Variants in FERMT3 observed in about 807,000 individuals in gnomAD.
The protein encoded by FERMT3 is FERM domain containing kindlin 3.
FERMT3 carries 33 observed loss-of-function variants against 80.8 expected under a neutral mutation model. The ratio of observed to expected loss-of-function variants is 0.41; its 90% CI spans 0.31 to 0.55. FERMT3 has a LOEUF of 0.55. Ranked by LOEUF, FERMT3 falls within the 20% of genes least tolerant of loss-of-function variation. FERMT3 has a pLI of 0.31. For synonymous variants in FERMT3, 375 were observed against 372.2 expected (o/e 1.01, Z -0.09); for missense variants, 754 against 908.7 (o/e 0.83, Z 2.19).
rs1326775397 is a variant in FERMT3 at position 64,223,327 on chromosome 11, T to G, written c.1827T>G (p.Phe609Leu). Residue 609 changes from phenylalanine to leucine, a missense_variant, in exon 15 of 15, where the codon TTT (phenylalanine) becomes TTG (leucine). Coordinates refer to ENST00000345728, the MANE Select transcript of FERMT3 (RefSeq NM_031471.6). ...NWDIRQVAIE[F>L]DEHINVAFSC... The stretch of plus-strand genomic sequence containing the variant: ...CTGCCCTTCAGGTGGCCATCGAGTT[T>G]GATGAACACATCAATGTGGCCTTCA... 1.2e-6 allele frequency: 2 copies of G among 1,614,072 alleles called. No individual in the cohort carries two copies. The highest frequency in any genetic ancestry group is 8.5e-7 in the Non-Finnish European group (1 of 1,180,042).
At position 64,219,256 on chromosome 11, in the gene FERMT3, C is replaced by T; in HGVS notation, c.792C>T (p.Asp264=). ...YSFFDLDPKT[D]PVRLTQLYEQ... is the part of the protein sequence containing the mutation. ...CTCCTCTCCCCCCGCTCCAGACAGA[C>T]CCCGTGCGGCTGACACAGCTGTATG... The change falls in exon 7 of 15, where the codon GAC becomes GAT. Residue 264 remains aspartate (D), a synonymous_variant. Transcript: ENST00000345728. The surrounding 1 kb of genome is among the most constrained non-coding windows in gnomAD (Gnocchi z 4.0). The T allele has an allele frequency of 6.3e-7, 1 of 1,593,496 alleles. No homozygotes were observed. Among genetic ancestry groups the T allele is most frequent in the Non-Finnish European group, 8.5e-7 (1 of 1,170,750 alleles).
intron 12 of FERMT3, 88 bp downstream of exon 12, chr11:64,220,757 A>G: frequency 7.5e-7 from 1 of 1,339,250 alleles, no homozygotes; most frequent in Middle Eastern, 1.8e-4. Context: ...TCCTCAGGAA[A>G]GCTACGTACT....
Position 64,223,733 on chromosome 11 carries a change from G to C in FERMT3, c.*241G>C. 1.3e-6 allele frequency: 1 copy of C among 759,282 alleles called. No individual in the cohort carries two copies. The highest frequency in any genetic ancestry group is 1.8e-5 in the South Asian group (1 of 55,024). 47.0% of individuals were successfully genotyped at this position (759,282 alleles called of 1,614,324 possible). A position where few individuals can be genotyped will look rare whatever the true frequency, so the allele number is the denominator to read the frequency against. On this transcript the variant is annotated 3_prime_UTR_variant, in exon 15 of 15. Coordinates refer to ENST00000345728, the MANE Select transcript of FERMT3 (RefSeq NM_031471.6). Reference sequence around the variant, plus strand: ...TGTGGTGCCCCCTTTCCTTGTCTGAGTGGCTGAGGCTGATACCCCTGACCT... The same window carrying C: ...TGTGGTGCCCCCTTTCCTTGTCTGACTGGCTGAGGCTGATACCCCTGACCT...
rs1946406087 is a variant in FERMT3 at position 64,210,248 on chromosome 11, C to T, written c.161-363C>T. Among the ~76,000 whole-genome samples the T allele has an allele frequency of 1.3e-5, 2 of 152,170 alleles. No individual in the cohort carries two copies. The highest frequency in any genetic ancestry group is 6.5e-5 in the Admixed American group (1 of 15,270). ...CTGCCTCCAGGAGCTCCCCAGAATG[C>T]AAGACAGAGGCTGTTAAACCGTGGA... On this transcript the variant is annotated intron_variant, in intron 2 of 14. Coordinates refer to ENST00000345728, the MANE Select transcript of FERMT3 (RefSeq NM_031471.6). The surrounding 1 kb of genome is among the most constrained non-coding windows in gnomAD (Gnocchi z 4.3).
chr11:64,222,147 G>C (rs934375813), intron 13 of FERMT3, among the ~76,000 whole-genome samples: 11 of 151,776 alleles, frequency 7.2e-5, no homozygotes, highest in African/African-American at 2.7e-4. Context: ...GCTGAGGCAG[G>C]AGAATGTCTT....
chr11:64,218,042 C>T (rs1246724843), intron 6 of FERMT3, among the ~76,000 whole-genome samples: 3 of 128,390 alleles, frequency 2.3e-5, no homozygotes, highest in South Asian at 2.4e-4. Context: ...CTCGCTCTGT[C>T]GCCCAGGCTG....
In FERMT3 at chr11:64,220,590, G is replaced by T. The variant is rs1460184168; in HGVS notation, c.1466G>T (p.Gly489Val). The T allele has an allele frequency of 6.2e-7, 1 of 1,609,902 alleles. No homozygotes were observed. Among genetic ancestry groups the T allele is most frequent in the South Asian group, 1.1e-5 (1 of 90,546 alleles). ...GSGGPGNHPH[G>V]PDASAEGLNP... ...GGGGGCCCGGGCAACCACCCCCACG[G>T]CCCTGATGCCTCTGCCGAGGGCCTC... The change falls in exon 12 of 15, where the codon GGC becomes GTC. Residue 489 changes from glycine (G) to valine (V), a missense_variant. Gly to Val is a moderately radical substitution (Grantham distance 109). Coordinates refer to ENST00000345728, the MANE Select transcript of FERMT3 (RefSeq NM_031471.6).
chr11:64,210,465 A>G lies in FERMT3; in HGVS notation c.161-146A>G. 6.4e-6 allele frequency: 5 copies of G among 787,096 alleles called. No individual in the cohort carries two copies. In the Admixed American group the frequency reaches 6.9e-5, roughly 11 times the overall value. The allele number at this position is 787,096 out of a possible 1,614,324, so 48.8% of individuals were successfully genotyped here. ...CCCTGCTGCTGTTACCATGGGGTAGACCCCAGGCCCGCCCAGGCTGCCCCA... is the reference window on the plus strand; with the variant it reads ...CCCTGCTGCTGTTACCATGGGGTAGGCCCCAGGCCCGCCCAGGCTGCCCCA... On this transcript the variant is annotated intron_variant, in intron 2 of 14. Transcript: ENST00000345728. The surrounding 1 kb of genome is among the most constrained non-coding windows in gnomAD (Gnocchi z 4.3).
Position 64,211,412 on chromosome 11 carries a change from T to A in FERMT3, c.652T>A (p.Ser218Thr). 6.2e-7 allele frequency: 1 copy of A among 1,600,706 alleles called. No individual in the cohort carries two copies. Among genetic ancestry groups the A allele is most frequent in the Non-Finnish European group, 8.5e-7 (1 of 1,175,626 alleles). Reference protein sequence around the residue: ...LLLQRLPRPSSLSDKTQLHSR... With the variant: ...LLLQRLPRPSTLSDKTQLHSR... The stretch of plus-strand genomic sequence containing the variant: ...GCTCCAGCGTCTGCCACGGCCCAGC[T>A]CCCTGTCAGACAAGACCCAGCTCCA... Residue 218 changes from serine (S) to threonine (T), a missense_variant, in exon 5 of 15, where the codon TCC becomes ACC. By Grantham distance (58) the Ser-to-Thr change is moderately conservative. Coordinates refer to ENST00000345728, the MANE Select transcript of FERMT3 (RefSeq NM_031471.6). This position sits in a 1 kb window ranked among gnomAD's most constrained non-coding sequence, Gnocchi z 4.7.
rs201247420 is a variant in FERMT3, at chr11:64,211,635, C to T, written c.684-10C>T. On this transcript the variant is annotated splice_polypyrimidine_tract_variant and intron_variant, in intron 5 of 14. Transcript: ENST00000345728. The surrounding 1 kb of genome is among the most constrained non-coding windows in gnomAD (Gnocchi z 4.7). ...GCGCAGCCCTGACTGCTGCTTCTGC[C>T]GCGGCCCAGGTGGCTGGACTCGTCG... 2.6e-5 allele frequency: 42 copies of T among 1,613,256 alleles called. No individual in the cohort carries two copies. The highest frequency in any genetic ancestry group is 2.5e-4 in the African/African-American group (19 of 74,926).
At position 64,219,943 on chromosome 11, in the gene FERMT3, G is replaced by A. The variant is rs1466904039; in HGVS notation, c.1132G>A (p.Glu378Lys). The A allele has an allele frequency of 1.9e-6, 3 of 1,613,890 alleles. No individual in the cohort carries two copies. The highest frequency in any genetic ancestry group is 1.1e-5 in the South Asian group (1 of 91,086). Reference protein sequence around the residue: ...GYRQHWVVFKETTLSYYKSQD... With the variant: ...GYRQHWVVFKKTTLSYYKSQD... Reference sequence around the variant, plus strand: ...CCGCCAACACTGGGTGGTGTTCAAGGAGACCACACTGTCCTACTACAAGAG... The same window carrying A: ...CCGCCAACACTGGGTGGTGTTCAAGAAGACCACACTGTCCTACTACAAGAG... The change falls in exon 10 of 15, where the codon GAG (glutamate) becomes AAG (lysine). Residue 378 changes from glutamate to lysine, a missense_variant. Physicochemically the swap from Glu to Lys is moderately conservative, Grantham distance 56. Transcript: ENST00000345728. The surrounding 1 kb of genome is among the most constrained non-coding windows in gnomAD (Gnocchi z 4.0).
chr11:64,215,101 C>T (rs1408532202), intron 6 of FERMT3, among the ~76,000 whole-genome samples: 3 of 152,330 alleles, frequency 2.0e-5, no homozygotes, highest in South Asian at 2.1e-4. Context: ...TGAGCCACCA[C>T]GCCCGGCTCA....
chr11:64,207,224 C>A, intron 1 of FERMT3, 127 bp from the exon 2 acceptor site: 1 of 1,099,786 alleles, frequency 9.1e-7, no homozygotes, highest in Non-Finnish European at 1.3e-6. Flanking sequence ...GGCCTGGGTG[C>A]TCACTCCCGC....
At chr11:64,207,566 C>T (rs771554159) in intron 2 of FERMT3, 42 bp downstream of exon 2, 121 of 1,569,574 alleles carry the variant, frequency 7.7e-5, no homozygotes, top group South Asian at 4.7e-4. Context: ...GCACCATGGG[C>T]GGCCGCCACG....
chr11:64,214,427 C>T (rs1035114427), intron 6 of FERMT3, among the ~76,000 whole-genome samples: 1 of 152,136 alleles, frequency 6.6e-6, no homozygotes, highest in Non-Finnish European at 1.5e-5. Flanking sequence ...CTCACTGCAA[C>T]CTCCGCCTCC....
At chr11:64,222,394 G>A (rs905373316) in intron 13 of FERMT3, among the ~76,000 whole-genome samples, 22 of 151,418 alleles carry the variant, frequency 1.5e-4, no homozygotes, top group Admixed American at 1.1e-3. Flanking sequence ...GTGAAACCCC[G>A]TCTCTACTAA....
intron 1 of FERMT3, 119 bp from the exon 2 acceptor site, chr11:64,207,232 C>G: frequency 2.5e-6 from 3 of 1,216,182 alleles, no homozygotes; most frequent in Non-Finnish European, 3.5e-6. Flanking sequence ...TGCTCACTCC[C>G]GCCCTCCTTC....
chr11:64,221,136 G>T lies in FERMT3; in HGVS notation c.1666G>T (p.Val556Phe). The part of the protein sequence containing the change: ...LPDFGISYVM[V>F]RFKGSRKDEI... ...CGACTTCGGCATCTCCTATGTCATG[G>T]TCAGGTATGGCCCCTGGCCCAGCCC... is the stretch of plus-strand genomic sequence containing the variant. Residue 556 changes from valine to phenylalanine, a missense_variant, in exon 13 of 15, where the codon GTC becomes TTC. Coordinates refer to ENST00000345728, the MANE Select transcript of FERMT3 (RefSeq NM_031471.6). 1 of 1,608,738 alleles carries T rather than the reference G, an allele frequency of 6.2e-7. No individual in the cohort carries two copies.
Position 64,211,501 on chromosome 11 carries a change from T to G in FERMT3, c.683+58T>G. 6.8e-7 allele frequency: 1 copy of G among 1,463,630 alleles called. No individual in the cohort carries two copies. Among genetic ancestry groups the G allele is most frequent in the Non-Finnish European group, 9.1e-7 (1 of 1,096,270 alleles). 90.7% of individuals were successfully genotyped at this position (1,463,630 alleles called of 1,614,324 possible). On this transcript the variant is annotated intron_variant, in intron 5 of 14. Transcript: ENST00000345728. The surrounding 1 kb of genome is among the most constrained non-coding windows in gnomAD (Gnocchi z 4.7). ...GCTCCCCCACCCAGGATCCACCCCC[T>G]GTCCCGTGTCTGTGCCCACCCCAGA...
Sources: allele counts gnomAD v4.1 joint callset (sites outside exome capture counted in the v4.1 genomes callset), GRCh38; gene constraint gnomAD v4.1.1; non-coding constraint Gnocchi (gnomAD v3.1); transcripts MANE v1.5; gene names NCBI Gene and HGNC (gene_info 2026-07-23, HGNC 2026-07-21).